RSF1: variants seen among roughly 807,000 people sequenced by gnomAD.
RSF1 encodes HBV pX-associated protein 8.
In RSF1, 13 loss-of-function variants were observed where a neutral mutation model predicts 145.2. The observed-to-expected ratio is 0.09, with a 90% CI of 0.06 to 0.14. The LOEUF (loss-of-function observed/expected upper bound fraction) is 0.14, where lower values mean the gene tolerates loss of function less well. RSF1 is among the 10% of genes least tolerant of loss of function. RSF1 has a pLI of 1.00. For missense variants in RSF1, 1,517 were observed against 1,718.2 expected, an observed-to-expected ratio of 0.88 and a Z score of 2.07; for synonymous variants, 577 against 592.6, an observed-to-expected ratio of 0.97 and a Z score of 0.38.
upstream of RSF1, among the ~76,000 whole-genome samples, chr11:77,822,546 A>G (rs373395763): frequency 3.3e-5 from 5 of 152,302 alleles, no homozygotes; most frequent in South Asian, 1.0e-3. Context: ...GAAAATGGTC[A>G]CACAAACACC....
intron 5 of RSF1, among the ~76,000 whole-genome samples, chr11:77,714,033 G>C (rs1327322039): frequency 1.3e-5 from 2 of 152,132 alleles, no homozygotes; most frequent in Non-Finnish European, 2.9e-5. Flanking sequence ...CATAACTTTA[G>C]AGCTCCCGTT....
chr11:77,802,265 G>T (rs1948633310), intron 1 of RSF1, among the ~76,000 whole-genome samples: 1 of 152,178 alleles, frequency 6.6e-6, no homozygotes, highest in Non-Finnish European at 1.5e-5. Flanking sequence ...CCAATTTGTA[G>T]TCAAGTCAGA....
intron 3 of RSF1, among the ~76,000 whole-genome samples, chr11:77,745,837 C>T (rs2135916846): frequency 6.6e-6 from 1 of 151,870 alleles, no homozygotes; most frequent in East Asian, 1.9e-4. Context: ...AGCCCTTATG[C>T]CTTTGCCTAT....
intron 13 of RSF1, among the ~76,000 whole-genome samples, 175 bp from the exon 14 acceptor site, chr11:77,675,431 T>A (rs1959676519): frequency 6.6e-6 from 1 of 152,220 alleles, no homozygotes; most frequent in Admixed American, 6.5e-5. Flanking sequence ...TTGCCACCTA[T>A]CCTCTTAGGA....
chr11:77,832,923 T>C, the RSF1 span, among the ~76,000 whole-genome samples: 3 of 149,532 alleles, frequency 2.0e-5, no homozygotes, highest in Non-Finnish European at 3.0e-5. Flanking sequence ...GCTCATTACA[T>C]TTATTGTGCA....
At chr11:77,720,157 C>T (rs372785897) in intron 5 of RSF1, among the ~76,000 whole-genome samples, 1 of 152,110 alleles carries the variant, frequency 6.6e-6, no homozygotes, top group Non-Finnish European at 1.5e-5. Flanking sequence ...AAAATAAACA[C>T]GTTTTTGGGC....
intron 11 of RSF1, among the ~76,000 whole-genome samples, chr11:77,679,817 T>C (rs1364591984): frequency 6.6e-6 from 1 of 152,214 alleles, no homozygotes; most frequent in Non-Finnish European, 1.5e-5. Context: ...GCTGTTTACC[T>C]TGACTTAAAG....
chr11:77,684,785 C>A (rs1478261806), intron 10 of RSF1, among the ~76,000 whole-genome samples: 3 of 152,016 alleles, frequency 2.0e-5, no homozygotes, highest in Non-Finnish European at 4.4e-5. Flanking sequence ...GTCAGGAGTT[C>A]GAGACCATCC....
intron 11 of RSF1, among the ~76,000 whole-genome samples, chr11:77,679,382 T>C (rs562196204): frequency 6.6e-6 from 1 of 152,304 alleles, no homozygotes; most frequent in African/African-American, 2.4e-5. Context: ...TATTAAGTCC[T>C]AATAATATGT....
intron 15 of RSF1, among the ~76,000 whole-genome samples, chr11:77,668,802 G>A (rs1959442104): frequency 6.6e-6 from 1 of 152,140 alleles, no homozygotes; most frequent in South Asian, 2.1e-4. Flanking sequence ...CAAGGATTTT[G>A]ATATCTGCGG....
At chr11:77,713,158 T>C (rs2135869714) in intron 5 of RSF1, among the ~76,000 whole-genome samples, 1 of 152,332 alleles carries the variant, frequency 6.6e-6, no homozygotes, top group East Asian at 1.9e-4. Flanking sequence ...TGATTAAACT[T>C]TTATTTATTT....
the RSF1 span, among the ~76,000 whole-genome samples, chr11:77,833,481 G>T: frequency 1.2e-4 from 19 of 152,098 alleles, no homozygotes; most frequent in African/African-American, 4.3e-4. Flanking sequence ...TGTGTCAGGA[G>T]GTAGAGCTCG....
chr11:77,820,624 C>G lies in RSF1; in HGVS notation c.91G>C (p.Glu31Gln). ...AGGTCTAGCAGCGGCCCGTAGCGCT[C>G]CAAGAAGGAGCAGACTACGGCGAAG... Reference protein sequence around the residue: ...PNFAVVCSFLERYGPLLDLPE... With the variant: ...PNFAVVCSFLQRYGPLLDLPE... Residue 31 changes from glutamate to glutamine, a missense_variant, in exon 1 of 16, where the codon GAG becomes CAG. Around this residue, in one of 12 missense-constraint regions of RSF1, gnomAD observed 85 missense variants for 91.8 expected, o/e 0.93. Transcript: ENST00000308488. The G allele has an allele frequency of 1.3e-6, 2 of 1,567,366 alleles. No homozygotes were observed. The highest frequency in any genetic ancestry group is 1.7e-6 in the Non-Finnish European group (2 of 1,157,714).
chr11:77,711,260 G>A (rs968292812), intron 5 of RSF1, among the ~76,000 whole-genome samples: 3 of 151,816 alleles, frequency 2.0e-5, no homozygotes, highest in African/African-American at 7.3e-5. Context: ...TGGTTTTCAA[G>A]GACACAGATA....
At chr11:77,668,074 T>A (rs1959418201) in intron 15 of RSF1, among the ~76,000 whole-genome samples, 1 of 152,090 alleles carries the variant, frequency 6.6e-6, no homozygotes, top group South Asian at 2.1e-4. Flanking sequence ...CTAGGCTCAC[T>A]GCAACCTCTG....
the RSF1 span, chr11:77,869,690 G>A: frequency 6.3e-7 from 1 of 1,590,766 alleles, no homozygotes; most frequent in East Asian, 2.2e-5. Context: ...ATTGAGAGCA[G>A]GTACCTGTCT....
intron 1 of RSF1, among the ~76,000 whole-genome samples, chr11:77,774,527 G>C (rs1024543835): frequency 1.3e-5 from 2 of 151,604 alleles, no homozygotes; most frequent in Non-Finnish European, 2.9e-5. Context: ...AACTGAGATT[G>C]CATCACTGCA....
Position 77,662,839 on chromosome 11 carries a change from G to A in RSF1, c.*4078C>T, listed in dbSNP as rs1412542015. The A allele has an allele frequency of 6.6e-6, 1 of 152,136 alleles. No individual in the cohort carries two copies. The highest frequency in any genetic ancestry group is 1.5e-5 in the Non-Finnish European group (1 of 68,018). 9.4% of individuals were successfully genotyped at this position (152,136 alleles called of 1,614,324 possible). The stretch of plus-strand genomic sequence containing the variant: ...CAGCCTTGGCATTCTCTGCTTCTTC[G>A]AGAATGAGGAATATATTTTGAGAAT... On this transcript the variant is annotated 3_prime_UTR_variant, in exon 16 of 16. Coordinates refer to ENST00000308488, the MANE Select transcript of RSF1 (RefSeq NM_016578.4).
intron 4 of RSF1, among the ~76,000 whole-genome samples, chr11:77,732,860 AG>A (rs1357072073): frequency 2.0e-5 from 3 of 152,240 alleles, no homozygotes; most frequent in East Asian, 3.8e-4. Context: ...CTAATACAAT[AG>A]ATTTTTAATT....
Sources: gnomAD v4.1 joint callset for allele counts (sites outside exome capture counted in the v4.1 genomes callset) on GRCh38, gnomAD v4.1.1 for gene constraint, gnomAD v4.1.1 regional missense constraint, MANE v1.5 for transcripts, NCBI Gene and HGNC (gene_info 2026-07-23, HGNC 2026-07-21) for gene names.